Variants in SLMAP observed in about 807,000 individuals in gnomAD.
SLMAP encodes the protein sarcolemmal membrane-associated protein.
SLMAP carries 44 observed loss-of-function variants against 128.8 expected under a neutral mutation model. The observed-to-expected ratio is 0.34, with a 90% CI of 0.27 to 0.44. The LOEUF (loss-of-function observed/expected upper bound fraction) is 0.44. Among genes scored for constraint, SLMAP ranks in the 20% least tolerant of loss-of-function variants. The pLI is 1.00. For missense variants in SLMAP, 787 were observed against 985.3 expected (o/e 0.80, Z 2.69); for synonymous variants, 327 against 348.8 (o/e 0.94, Z 0.70).
At position 57,871,687 on chromosome 3, in the gene SLMAP, T is replaced by A; in HGVS notation, c.1289T>A (p.Ile430Lys). ...GACTGCACTTTTATTCATCAATTCA[T>A]AGAATGCCAGAGTGAGTACAGAGTA... ...GGDCTFIHQF[I>K]ECQKKLIVEG... Residue 430 changes from isoleucine (I) to lysine (K), a missense_variant, in exon 14 of 25, where the codon ATA (isoleucine) becomes AAA (lysine). Around this residue, in one of 2 missense-constraint regions of SLMAP, gnomAD observed 715 missense variants for 843.6 expected, o/e 0.85. Coordinates refer to ENST00000671191, the MANE Select transcript of SLMAP (RefSeq NM_001377540.1). The A allele has an allele frequency of 6.2e-7, 1 of 1,611,600 alleles. No individual in the cohort carries two copies. The highest frequency in any genetic ancestry group is 1.1e-5 in the South Asian group (1 of 90,992).
In SLMAP at chr3:57,896,880, A is replaced by G. The variant is rs1351268773; in HGVS notation, c.1449A>G (p.Gln483=). The G allele has an allele frequency of 7.5e-6, 12 of 1,606,578 alleles. No individual in the cohort carries two copies. The highest frequency in any genetic ancestry group is 5.6e-5 in the South Asian group (5 of 88,926). The stretch of plus-strand genomic sequence containing the variant: ...TTTTTTTCCTCTCTGTAGACGCCCA[A>G]ATGGATGAGCAAGACCTAAATGAGC... The part of the protein sequence containing the change: ...EKSSDDTTDA[Q]MDEQDLNEPL... The change falls in exon 17 of 25, where the codon CAA becomes CAG. Residue 483 remains glutamine, a synonymous_variant. Coordinates refer to ENST00000671191, the MANE Select transcript of SLMAP (RefSeq NM_001377540.1).
At chr3:57,883,341 A>G (rs1162703287) in intron 14 of SLMAP, among the ~76,000 whole-genome samples, 1 of 152,218 alleles carries the variant, frequency 6.6e-6, no homozygotes, top group Non-Finnish European at 1.5e-5. Context: ...CCTGGGGCCA[A>G]AGAATGCTAG....
chr3:57,779,949 G>C (rs2082675296), intron 2 of SLMAP, among the ~76,000 whole-genome samples: 1 of 151,330 alleles, frequency 6.6e-6, no homozygotes. Context: ...TTTTTTTATT[G>C]TTTCATTCAT....
In SLMAP at chr3:57,807,045, A is replaced by G. The variant is rs187427641; in HGVS notation, c.199-24338A>G. On this transcript the variant is annotated intron_variant, in intron 2 of 24. Coordinates refer to ENST00000671191, the MANE Select transcript of SLMAP (RefSeq NM_001377540.1). Reference sequence around the variant, plus strand: ...AGCATCTGTTGTTTCTTAGCTTTTTAATAATCAACATTCTGACTGGTGTGA... The same window carrying G: ...AGCATCTGTTGTTTCTTAGCTTTTTGATAATCAACATTCTGACTGGTGTGA... 7.6e-4 allele frequency among the ~76,000 whole-genome samples: 115 copies of G among 152,240 alleles called. 1 individual carries two copies. Among genetic ancestry groups the G allele is most frequent in the African/African-American group, 2.3e-3 (95 of 41,532 alleles).
At chr3:57,829,729 A>T (rs1337866321) in intron 2 of SLMAP, among the ~76,000 whole-genome samples, 1 of 152,266 alleles carries the variant, frequency 6.6e-6, no homozygotes, top group African/African-American at 2.4e-5. Context: ...ATTTATAGAC[A>T]GCCTAGTGGC....
At chr3:57,871,423 A>T (rs2095477338) in intron 13 of SLMAP, among the ~76,000 whole-genome samples, 1 of 152,298 alleles carries the variant, frequency 6.6e-6, no homozygotes, top group East Asian at 1.9e-4. Flanking sequence ...GATAAAAACT[A>T]CACCTTTAAA....
At chr3:57,797,248 G>A (rs2086965748) in intron 2 of SLMAP, among the ~76,000 whole-genome samples, 1 of 151,422 alleles carries the variant, frequency 6.6e-6, no homozygotes, top group Admixed American at 6.6e-5. Context: ...ACTTTGGGAG[G>A]CTGAGGCAGG....
intron 4 of SLMAP, among the ~76,000 whole-genome samples, chr3:57,845,965 C>T (rs2094223915): frequency 6.6e-6 from 1 of 152,022 alleles, no homozygotes; most frequent in Non-Finnish European, 1.5e-5. Flanking sequence ...CCTCAGCCTC[C>T]CAAGTAGCTG....
intron 9 of SLMAP, among the ~76,000 whole-genome samples, chr3:57,861,126 C>T (rs944489405): frequency 1.3e-5 from 2 of 152,058 alleles, no homozygotes; most frequent in Non-Finnish European, 2.9e-5. Flanking sequence ...ATGATATGTG[C>T]TGGGGAATTG....
intron 17 of SLMAP, among the ~76,000 whole-genome samples, chr3:57,903,060 T>C (rs1459647900): frequency 2.0e-5 from 3 of 152,144 alleles, no homozygotes; most frequent in Non-Finnish European, 4.4e-5. Context: ...AGATAGGAAC[T>C]AGGTTTGGAA....
chr3:57,844,998 A>T (rs1036509221), intron 4 of SLMAP, among the ~76,000 whole-genome samples: 5 of 152,200 alleles, frequency 3.3e-5, no homozygotes, highest in Non-Finnish European at 5.9e-5. Flanking sequence ...ATATGTGCAT[A>T]TCTGCAGAGA....
chr3:57,844,100 G>GA (rs1382010161), intron 4 of SLMAP, among the ~76,000 whole-genome samples: 1 of 149,734 alleles, frequency 6.7e-6, no homozygotes, highest in African/African-American at 2.4e-5. Context: ...CTAATGATTA[G>GA]AAACAGAGAG....
intron 14 of SLMAP, among the ~76,000 whole-genome samples, chr3:57,872,946 A>C (rs768971552): frequency 6.6e-6 from 1 of 152,146 alleles, no homozygotes; most frequent in Non-Finnish European, 1.5e-5. Flanking sequence ...ATATTCATGC[A>C]TATGTGCCCC....
intron 2 of SLMAP, among the ~76,000 whole-genome samples, chr3:57,764,390 T>G (rs1161918401): frequency 7.3e-5 from 11 of 151,574 alleles, no homozygotes; most frequent in Non-Finnish European, 1.0e-4. Context: ...AAATCCCAGC[T>G]ACTTGTGAGG....
chr3:57,868,981 ATATAT>A, intron 13 of SLMAP, among the ~76,000 whole-genome samples: 1 of 138,570 alleles, frequency 7.2e-6, no homozygotes, highest in Non-Finnish European at 1.5e-5. Flanking sequence ...TATATATAAT[ATATAT>A]TATATATGTG....
At chr3:57,847,045 A>G (rs1280225923) in intron 4 of SLMAP, 152 bp from the exon 5 acceptor site, 1 of 563,310 alleles carries the variant, frequency 1.8e-6, no homozygotes, top group Non-Finnish European at 3.2e-6. Context: ...AGAATTTTAT[A>G]CATTTATGAA....
At chr3:57,781,017 T>C (rs2082940246) in intron 2 of SLMAP, among the ~76,000 whole-genome samples, 1 of 151,636 alleles carries the variant, frequency 6.6e-6, no homozygotes, top group African/African-American at 2.4e-5. Context: ...TATATATACA[T>C]ATATATACAC....
At chr3:57,914,075 C>A (rs951692717) in intron 21 of SLMAP, among the ~76,000 whole-genome samples, 2 of 152,028 alleles carry the variant, frequency 1.3e-5, no homozygotes, top group East Asian at 3.9e-4. Flanking sequence ...TTCTCTGAAA[C>A]CAGTTAAATC....
chr3:57,913,694 C>T (rs1048849254), intron 21 of SLMAP, among the ~76,000 whole-genome samples: 1 of 152,148 alleles, frequency 6.6e-6, no homozygotes, highest in African/African-American at 2.4e-5. Flanking sequence ...TGGTGGTTCA[C>T]GCCTGTAATG....
Sources: allele counts gnomAD v4.1 joint callset (sites outside exome capture counted in the v4.1 genomes callset), GRCh38; gene constraint gnomAD v4.1.1; regional missense constraint gnomAD v4.1.1; transcripts MANE v1.5; gene names NCBI Gene and HGNC (gene_info 2026-07-23, HGNC 2026-07-21).